Variants in AAMDC observed in about 807,000 individuals in gnomAD.
The protein encoded by AAMDC is adipogenesis associated Mth938 domain containing.
A neutral mutation model predicts 15.5 loss-of-function variants in AAMDC; 16 were observed. That is an observed-to-expected ratio of 1.03 (90% CI 0.70 to 1.57). The LOEUF (loss-of-function observed/expected upper bound fraction) is 1.57. Ranked by LOEUF, AAMDC falls within the 40% of genes most tolerant of loss-of-function variation. The pLI, the probability that AAMDC is intolerant of heterozygous loss-of-function variation, is 0.00. For missense variants in AAMDC, 141 were observed against 144.9 expected, an observed-to-expected ratio of 0.97 and a Z score of 0.14; for synonymous variants, 51 against 51.6, an observed-to-expected ratio of 0.99 and a Z score of 0.05.
chr11:77,842,860 ACT>A (rs1454941742), intron 2 of AAMDC, among the ~76,000 whole-genome samples: 1 of 152,182 alleles, frequency 6.6e-6, no homozygotes, highest in Non-Finnish European at 1.5e-5. Context: ...AACAGTTACC[ACT>A]GTTAGTTCCA....
At chr11:77,877,018 T>A (rs751752928), downstream of AAMDC, 47 of 703,062 alleles carry the variant, frequency 6.7e-5, no homozygotes, top group Non-Finnish European at 1.1e-4. Flanking sequence ...TGGCTACAGC[T>A]TCATGGCACA....
intron 5 of AAMDC, chr11:77,879,224 G>T (rs1951697283): frequency 7.4e-7 from 1 of 1,359,626 alleles, no homozygotes; most frequent in Non-Finnish European, 1.0e-6. Flanking sequence ...GAAGCAGTAG[G>T]GAGAAATTTC....
chr11:77,889,128 A>G (rs2136383714), intron 5 of AAMDC, among the ~76,000 whole-genome samples: 1 of 152,316 alleles, frequency 6.6e-6, no homozygotes, highest in South Asian at 2.1e-4. Context: ...ATGCACACAT[A>G]TGTTTATTGC....
intron 2 of AAMDC, among the ~76,000 whole-genome samples, chr11:77,844,481 G>A (rs1196617934): frequency 1.3e-5 from 2 of 152,038 alleles, no homozygotes; most frequent in Non-Finnish European, 1.5e-5. Flanking sequence ...TCCTCCCTCA[G>A]CCTCCTGAGT....
At chr11:77,828,789 A>G (rs565574063) in intron 1 of AAMDC, among the ~76,000 whole-genome samples, 4 of 152,362 alleles carry the variant, frequency 2.6e-5, no homozygotes, top group East Asian at 3.9e-4. Flanking sequence ...TAAGATGCCA[A>G]TACCTTTAAG....
chr11:77,842,774 T>A, intron 2 of AAMDC, 146 bp downstream of exon 2: 1 of 1,154,468 alleles, frequency 8.7e-7, no homozygotes, highest in Non-Finnish European at 1.2e-6. Context: ...CCTTTTAAAG[T>A]ATGCAATTCA....
intron 2 of AAMDC, among the ~76,000 whole-genome samples, chr11:77,847,319 G>A (rs1156337767): frequency 6.6e-6 from 1 of 152,106 alleles, no homozygotes; most frequent in Non-Finnish European, 1.5e-5. Context: ...TTTTTATCTG[G>A]CATTTGGTTT....
At chr11:77,848,278 C>T (rs1370803455) in intron 2 of AAMDC, among the ~76,000 whole-genome samples, 1 of 152,192 alleles carries the variant, frequency 6.6e-6, no homozygotes, top group Non-Finnish European at 1.5e-5. Context: ...TTGAGAGATC[C>T]ATTTCCCTTC....
intron 2 of AAMDC, among the ~76,000 whole-genome samples, chr11:77,854,115 T>C (rs533611375): frequency 2.0e-4 from 30 of 151,162 alleles, no homozygotes; most frequent in East Asian, 4.0e-4. Flanking sequence ...CTCAGCCTCC[T>C]GAGTAGCTGG....
At chr11:77,833,398 G>T (rs1013524767) in intron 1 of AAMDC, among the ~76,000 whole-genome samples, 6 of 152,124 alleles carry the variant, frequency 3.9e-5, no homozygotes, top group Non-Finnish European at 8.8e-5. Context: ...AAGGGACTGT[G>T]CAACCTAAAT....
At chr11:77,869,943 A>T (rs1951334679) in intron 3 of AAMDC, 126 bp downstream of exon 3, 1 of 837,592 alleles carries the variant, frequency 1.2e-6, no homozygotes, top group South Asian at 1.6e-5. Flanking sequence ...CTGACCCAGG[A>T]TAGCAGTGGC....
chr11:77,869,926 C>T (rs755430282), intron 3 of AAMDC, 109 bp downstream of exon 3: 20 of 1,030,246 alleles, frequency 1.9e-5, no homozygotes, highest in Non-Finnish European at 2.5e-5. Context: ...CATGTACCCT[C>T]ATTTTGCTGA....
intron 5 of AAMDC, among the ~76,000 whole-genome samples, chr11:77,888,211 G>C (rs987853287): frequency 1.1e-4 from 17 of 152,206 alleles, no homozygotes; most frequent in African/African-American, 4.1e-4. Context: ...GCATGGTACT[G>C]TTACCAAAAC....
At chr11:77,905,787 T>C (rs1430097094) in intron 3 of AAMDC, among the ~76,000 whole-genome samples, 1 of 152,214 alleles carries the variant, frequency 6.6e-6, no homozygotes, top group Non-Finnish European at 1.5e-5. Context: ...AAGCTGGGTA[T>C]ACACAATTAA....
chr11:77,867,796 C>T (rs1436195606), intron 2 of AAMDC, among the ~76,000 whole-genome samples: 1 of 152,142 alleles, frequency 6.6e-6, no homozygotes, highest in Non-Finnish European at 1.5e-5. Flanking sequence ...AAACACATCA[C>T]CTTAAATGTG....
At chr11:77,890,629 A>G (rs1952220810) in intron 5 of AAMDC, among the ~76,000 whole-genome samples, 1 of 152,174 alleles carries the variant, frequency 6.6e-6, no homozygotes, top group African/African-American at 2.4e-5. Context: ...GCCCATTTGT[A>G]TGTCTCTCAA....
intron 5 of AAMDC, among the ~76,000 whole-genome samples, chr11:77,896,142 A>T (rs1952507377): frequency 6.6e-6 from 1 of 152,328 alleles, no homozygotes; most frequent in South Asian, 2.1e-4. Flanking sequence ...GAGAGTTAAC[A>T]GGGGATTTAA....
chr11:77,889,695 G>A (rs1225011720), intron 5 of AAMDC, among the ~76,000 whole-genome samples: 1 of 152,212 alleles, frequency 6.6e-6, no homozygotes, highest in African/African-American at 2.4e-5. Context: ...ACCTGAAGTA[G>A]TGCCTGGAAC....
At chr11:77,846,647 G>A (rs1053068851) in intron 2 of AAMDC, among the ~76,000 whole-genome samples, 10 of 152,220 alleles carry the variant, frequency 6.6e-5, no homozygotes, top group South Asian at 6.2e-4. Flanking sequence ...TGGAGGTTGC[G>A]GTGAGCCAAG....
Sources: allele counts gnomAD v4.1 joint callset (sites outside exome capture counted in the v4.1 genomes callset), GRCh38; gene constraint gnomAD v4.1.1; transcripts MANE v1.5; gene names NCBI Gene and HGNC (gene_info 2026-07-23, HGNC 2026-07-21).